The following REPS1 variants were observed in gnomAD, a reference collection of about 807,000 sequenced individuals.
REPS1 encodes the protein ralBP1-associated Eps domain-containing protein 1.
In REPS1, 39 loss-of-function variants were observed where a neutral mutation model predicts 100.9. The observed-to-expected ratio is 0.39, with a 90% CI of 0.30 to 0.50. The LOEUF is 0.50. Among genes scored for constraint, REPS1 ranks in the 20% least tolerant of loss-of-function variants. The pLI, the probability that REPS1 is intolerant of heterozygous loss-of-function variation, is 0.86. For missense variants in REPS1, 821 were observed against 968.5 expected (o/e 0.85, Z 2.02); for synonymous variants, 324 against 340.3 (o/e 0.95, Z 0.53).
chr6:138,950,623 T>TA (rs1443522977), intron 1 of REPS1, among the ~76,000 whole-genome samples: 1 of 152,260 alleles, frequency 6.6e-6, no homozygotes, highest in African/African-American at 2.4e-5. Context: ...CCTGGAGCTG[T>TA]AACCCAGTGT....
chr6:138,984,063 C>A (rs911982525), intron 1 of REPS1, among the ~76,000 whole-genome samples: 5 of 151,250 alleles, frequency 3.3e-5, no homozygotes, highest in Non-Finnish European at 7.4e-5. Context: ...TAATCTCTAC[C>A]ATCTCTCTCT....
chr6:138,987,604 T>C lies in REPS1; in HGVS notation c.79A>G (p.Lys27Glu). The C allele has an allele frequency of 6.4e-7, 1 of 1,551,104 alleles. No homozygotes were observed. Among genetic ancestry groups the C allele is most frequent in the Non-Finnish European group, 8.7e-7 (1 of 1,146,704 alleles). The change falls in exon 1 of 20, where the codon AAG becomes GAG. Residue 27 changes from lysine to glutamate, a missense_variant. By Grantham distance (56) the Lys-to-Glu change is moderately conservative. Around this residue, in one of 3 missense-constraint regions of REPS1, gnomAD observed 36 missense variants for 36.7 expected, o/e 0.98. Transcript: ENST00000450536. ...ACCCGCCCGTTGACCACCACCTTCT[T>C]GGTGCTCTCAATGTCGCAGTAGGAG... ...LFSYCDIEST[K>E]KVVVNGRVLE...
chr6:138,934,921 ACGTCTT>A lies in REPS1; in HGVS notation c.1136-4829_1136-4824del, dbSNP rs577113242. 4.5e-4 allele frequency among the ~76,000 whole-genome samples: 68 copies of A among 152,360 alleles called. 1 individual carries two copies. The South Asian group carries it at 0.014, about 31-fold the overall frequency. On this transcript the variant is annotated intron_variant, in intron 8 of 19. Transcript: ENST00000450536. The stretch of plus-strand genomic sequence containing the variant: ...AAACAATCGAGTGTTCATGACTTTT[ACGTCTT>A]CAAGGAAAACTACAAATGTTAACTT...
intron 1 of REPS1, among the ~76,000 whole-genome samples, chr6:138,959,286 T>C (rs537987143): frequency 6.6e-6 from 1 of 152,308 alleles, no homozygotes; most frequent in Admixed American, 6.5e-5. Context: ...CGGAAGCTAC[T>C]TCTTATTCCT....
chr6:138,949,639 T>A (rs1782869338), intron 1 of REPS1, among the ~76,000 whole-genome samples: 1 of 151,756 alleles, frequency 6.6e-6, no homozygotes, highest in South Asian at 2.1e-4. Flanking sequence ...GGTGAGAGGA[T>A]CATTTGAACT....
chr6:138,934,014 T>A (rs1410051113), intron 8 of REPS1, among the ~76,000 whole-genome samples: 3 of 152,196 alleles, frequency 2.0e-5, no homozygotes, highest in Non-Finnish European at 2.9e-5. Flanking sequence ...CCAAAAATTG[T>A]TTCTGGGATA....
intron 5 of REPS1, 114 bp downstream of exon 5, chr6:138,944,380 TTAAA>T: frequency 1.7e-6 from 2 of 1,207,262 alleles, no homozygotes; most frequent in Non-Finnish European, 2.3e-6. Context: ...AATTTTGCTT[TTAAA>T]TAAATGAGTG....
intron 1 of REPS1, among the ~76,000 whole-genome samples, chr6:138,970,246 T>G (rs1458362958): frequency 2.0e-5 from 3 of 151,420 alleles, no homozygotes; most frequent in Non-Finnish European, 4.4e-5. Context: ...CTGAAGGACT[T>G]TGTAAGTTGG....
chr6:138,944,039 A>G (rs1782442719), intron 5 of REPS1, 24 bp from the exon 6 acceptor site: 1 of 1,609,700 alleles, frequency 6.2e-7, no homozygotes, highest in Non-Finnish European at 8.5e-7. Context: ...TTTTTTCCTC[A>G]GTACAATATC....
At chr6:138,907,953 T>G (rs1779769324) in intron 18 of REPS1, among the ~76,000 whole-genome samples, 1 of 152,176 alleles carries the variant, frequency 6.6e-6, no homozygotes, top group Admixed American at 6.5e-5. Context: ...TCTAGTTTTT[T>G]GTTTTCTTTT....
chr6:138,976,531 T>A (rs1166468524), intron 1 of REPS1, among the ~76,000 whole-genome samples: 1 of 152,216 alleles, frequency 6.6e-6, no homozygotes, highest in Admixed American at 6.5e-5. Context: ...GAAACTACTA[T>A]TTCATTAAAA....
At chr6:138,967,236 T>A (rs1471560657) in intron 1 of REPS1, among the ~76,000 whole-genome samples, 1 of 151,898 alleles carries the variant, frequency 6.6e-6, no homozygotes, top group Non-Finnish European at 1.5e-5. Context: ...AGAAATAAAC[T>A]TTTTTTTCAT....
intron 1 of REPS1, among the ~76,000 whole-genome samples, chr6:138,981,996 G>A (rs772806221): frequency 1.3e-5 from 2 of 152,174 alleles, no homozygotes; most frequent in Non-Finnish European, 2.9e-5. Flanking sequence ...GGACACTACA[G>A]AAACACATTG....
At position 138,955,140 on chromosome 6, in the gene REPS1, G is replaced by A. The variant is rs756536486; in HGVS notation, c.154-7227C>T. On this transcript the variant is annotated intron_variant, in intron 1 of 19. Transcript: ENST00000450536. Reference sequence around the variant, plus strand: ...ACTATAGAACAAATCTTTAGAAATGGAATATGCTTTAAATATATAACATAG... The same window carrying A: ...ACTATAGAACAAATCTTTAGAAATGAAATATGCTTTAAATATATAACATAG... 1.1e-3 allele frequency among the ~76,000 whole-genome samples: 174 copies of A among 152,166 alleles called. 1 individual carries two copies. The highest frequency in any genetic ancestry group is 3.4e-3 in the Middle Eastern group (1 of 294).
intron 15 of REPS1, 89 bp from the exon 16 acceptor site, chr6:138,913,039 T>C: frequency 3.9e-6 from 4 of 1,014,726 alleles, no homozygotes; most frequent in South Asian, 1.8e-5. Flanking sequence ...AAACTTAGTA[T>C]ATAAAGATGA....
chr6:138,947,034 T>TGC (rs1491159660), intron 2 of REPS1, among the ~76,000 whole-genome samples: 7 of 61,450 alleles, frequency 1.1e-4, no homozygotes, highest in South Asian at 5.6e-4. Context: ...TATTCCCCCT[T>TGC]GCTCTCTCTC....
intron 17 of REPS1, chr6:138,909,061 G>C: frequency 2.1e-6 from 1 of 466,436 alleles, no homozygotes; most frequent in Non-Finnish European, 3.8e-6. Context: ...ACATACTGAT[G>C]CAAGACTGTA....
chr6:138,934,373 CA>C, intron 8 of REPS1: 1 of 469,352 alleles, frequency 2.1e-6, no homozygotes, highest in Non-Finnish European at 4.4e-6. Flanking sequence ...AAGTTAACCC[CA>C]AAAGGGCTGT....
chr6:138,950,315 A>C (rs1782933124), intron 1 of REPS1, among the ~76,000 whole-genome samples: 1 of 152,092 alleles, frequency 6.6e-6, no homozygotes, highest in Admixed American at 6.5e-5. Flanking sequence ...CTATACGAAA[A>C]AAAATTTAGT....
Sources: allele counts gnomAD v4.1 joint callset (sites outside exome capture counted in the v4.1 genomes callset), GRCh38; gene constraint gnomAD v4.1.1; regional missense constraint gnomAD v4.1.1; transcripts MANE v1.5; gene names NCBI Gene and HGNC (gene_info 2026-07-23, HGNC 2026-07-21).